Variants in EDDM13 observed in about 807,000 individuals in gnomAD.
EDDM13 encodes epididymal protein 13.
A neutral mutation model predicts 17.8 loss-of-function variants in EDDM13; 24 were observed. That is an observed-to-expected ratio of 1.35 (90% CI 0.98 to 1.90). The LOEUF (loss-of-function observed/expected upper bound fraction) is 1.90, where lower values mean the gene tolerates loss of function less well. Among genes scored for constraint, EDDM13 ranks in the 40% most tolerant of loss-of-function variants. The pLI is 0.00. For missense variants in EDDM13, 97 were observed against 100.8 expected, an observed-to-expected ratio of 0.96 and a Z score of 0.16; for synonymous variants, 31 against 37.5, an observed-to-expected ratio of 0.83 and a Z score of 0.63.
chr19:56,279,467 G>T (rs563755159), intron 2 of EDDM13, among the ~76,000 whole-genome samples: 6 of 152,250 alleles, frequency 3.9e-5, no homozygotes, highest in Admixed American at 3.9e-4. Flanking sequence ...ATTATTTCAG[G>T]TTGAAAGGAG....
At chr19:56,284,336 T>C (rs962536451) in intron 5 of EDDM13, 130 bp downstream of exon 5, 1 of 217,922 alleles carries the variant, frequency 4.6e-6, no homozygotes, top group African/African-American at 2.4e-5. Flanking sequence ...GATAAAAATA[T>C]GGTGCAAGGA....
chr19:56,300,802 T>TA (rs113042044), intron 12 of EDDM13, among the ~76,000 whole-genome samples: 1,783 of 149,224 alleles, frequency 0.012, 33 homozygotes, highest in African/African-American at 0.041. Flanking sequence ...GGTTTACGTG[T>TA]AAAAAAAAAA....
chr19:56,301,491 C>T (rs149075955), intron 12 of EDDM13, among the ~76,000 whole-genome samples: 178 of 152,250 alleles, frequency 1.2e-3, no homozygotes, highest in African/African-American at 3.8e-3. Context: ...ATCTTGGTTT[C>T]GGTGGGTTTT....
chr19:56,284,893 C>A, intron 5 of EDDM13, 105 bp from the exon 6 acceptor site: 2 of 433,802 alleles, frequency 4.6e-6, no homozygotes, highest in Non-Finnish European at 6.1e-6. Flanking sequence ...AGCCACACTT[C>A]CTGAAGAAGA....
At chr19:56,288,942 G>T (rs564843797) in intron 8 of EDDM13, among the ~76,000 whole-genome samples, 51 bp downstream of exon 8, 1 of 152,150 alleles carries the variant, frequency 6.6e-6, no homozygotes, top group African/African-American at 2.4e-5. Flanking sequence ...CATAACCACC[G>T]CTGGGCCTTC....
At chr19:56,284,177 T>C in intron 4 of EDDM13, 21 bp from the exon 5 acceptor site, 1 of 985,454 alleles carries the variant, frequency 1.0e-6, no homozygotes, top group Non-Finnish European at 1.2e-6. Context: ...ATGCTGACTC[T>C]CCTGGATGGG....
At chr19:56,284,537 GAC>G (rs1162739657) in intron 5 of EDDM13, among the ~76,000 whole-genome samples, 1 of 59,482 alleles carries the variant, frequency 1.7e-5, no homozygotes, top group Non-Finnish European at 5.2e-5. Context: ...TTTTTTTTGA[GAC>G]AGTCTTGCTC....
chr19:56,309,536 AAC>A (rs1228458006), intron 14 of EDDM13, among the ~76,000 whole-genome samples: 2 of 152,240 alleles, frequency 1.3e-5, no homozygotes, highest in African/African-American at 4.8e-5. Flanking sequence ...GGCCCTGCGG[AAC>A]ACAGTTTGAG....
chr19:56,285,344 A>G (rs1441628546), intron 6 of EDDM13, among the ~76,000 whole-genome samples: 1 of 152,236 alleles, frequency 6.6e-6, no homozygotes, highest in African/African-American at 2.4e-5. Context: ...TCTGCTCTCT[A>G]GAAGCAAGCA....
At chr19:56,294,207 A>G (rs1252680089) in intron 9 of EDDM13, among the ~76,000 whole-genome samples, 1 of 152,180 alleles carries the variant, frequency 6.6e-6, no homozygotes, top group Non-Finnish European at 1.5e-5. Flanking sequence ...GGAAAATCCC[A>G]AACACCTGCC....
chr19:56,280,994 C>A (rs968307674), intron 2 of EDDM13, among the ~76,000 whole-genome samples: 4 of 152,072 alleles, frequency 2.6e-5, no homozygotes, highest in African/African-American at 4.8e-5. Flanking sequence ...TTTGACTTCC[C>A]CAAAACTTAA....
In EDDM13 at chr19:56,310,285, G is replaced by C. The variant is rs2040954485; in HGVS notation, c.*137G>C. 1 of 152,270 alleles carries C rather than the reference G, an allele frequency of 6.6e-6. No homozygotes were observed. The highest frequency in any genetic ancestry group is 1.5e-5 in the Non-Finnish European group (1 of 68,104). 9.4% of individuals were successfully genotyped at this position (152,270 alleles called of 1,614,324 possible). On this transcript the variant is annotated 3_prime_UTR_variant, in exon 15 of 15. Transcript: ENST00000649256. ...TGGGTCCTTTAAGGAATGGCACCTGGGTGCCCAGAGGCATGGCCAGAAGGT... is the reference window on the plus strand; with the variant it reads ...TGGGTCCTTTAAGGAATGGCACCTGCGTGCCCAGAGGCATGGCCAGAAGGT...
intron 12 of EDDM13, among the ~76,000 whole-genome samples, chr19:56,298,583 G>A (rs2040030634): frequency 6.6e-6 from 1 of 151,740 alleles, no homozygotes; most frequent in African/African-American, 2.4e-5. Context: ...AACCTGGGAG[G>A]CGGAAGCTGC....
intron 1 of EDDM13, chr19:56,274,846 T>A (rs915293003): frequency 6.6e-6 from 1 of 152,236 alleles, no homozygotes; most frequent in Admixed American, 6.5e-5. Flanking sequence ...CCATCTCCTT[T>A]GGTCTTGTGA....
intron 14 of EDDM13, among the ~76,000 whole-genome samples, chr19:56,309,240 C>G (rs775642579): frequency 1.3e-5 from 2 of 152,164 alleles, no homozygotes; most frequent in African/African-American, 2.4e-5. Context: ...ATGAAACAGA[C>G]AGATCTGGCA....
chr19:56,303,068 C>G, intron 13 of EDDM13: 1 of 394,440 alleles, frequency 2.5e-6, no homozygotes, highest in Non-Finnish European at 4.5e-6. Flanking sequence ...GGTGACACCT[C>G]TGCTGTGGGT....
intron 13 of EDDM13, 60 bp downstream of exon 13, chr19:56,302,155 G>C: frequency 2.5e-6 from 3 of 1,187,598 alleles, no homozygotes; most frequent in Non-Finnish European, 3.2e-6. Context: ...GAGGAGGGAA[G>C]TGGGGGCACA....
At chr19:56,286,539 G>A (rs1443560473) in intron 6 of EDDM13, 1 of 152,112 alleles carries the variant, frequency 6.6e-6, no homozygotes, top group African/African-American at 2.4e-5. Context: ...CTCATAAGGA[G>A]GAGACAACTG....
At chr19:56,276,432 G>A (rs1445782306) in intron 2 of EDDM13, among the ~76,000 whole-genome samples, 1 of 151,568 alleles carries the variant, frequency 6.6e-6, no homozygotes, top group Non-Finnish European at 1.5e-5. Context: ...TTTAACACCA[G>A]CTGGTGGTTT....
Sources: allele counts gnomAD v4.1 joint callset (sites outside exome capture counted in the v4.1 genomes callset), GRCh38; gene constraint gnomAD v4.1.1; transcripts MANE v1.5; gene names NCBI Gene and HGNC (gene_info 2026-07-23, HGNC 2026-07-21).